FGF14: variants seen among roughly 807,000 people sequenced by gnomAD.
FGF14 encodes the protein fibroblast growth factor homologous factor 4.
A neutral mutation model predicts 25.5 loss-of-function variants in FGF14; 5 were observed. That is an observed-to-expected ratio of 0.20 (90% CI 0.10 to 0.41). The LOEUF (loss-of-function observed/expected upper bound fraction) is 0.41. FGF14 is among the 10% of genes least tolerant of loss of function. The pLI is 1.00. For synonymous variants in FGF14, 138 were observed against 118.3 expected (o/e 1.17, Z -1.08); for missense variants, 222 against 320.1 (o/e 0.69, Z 2.34).
chr13:102,161,570 A>AAGAAAGAAGAAAGAAGAAAGAAGAAAG lies in FGF14; in HGVS notation c.208+239900_208+239901insCTTTCTTCTTTCTTCTTTCTTCTTTCT. Reference sequence around the variant, plus strand: ...TCTATGCAACCAACTTTCTGTGAAGAAAGAAAGAAGAAGAAGAAGAAGAAG... The same window carrying AAGAAAGAAGAAAGAAGAAAGAAGAAAG: ...TCTATGCAACCAACTTTCTGTGAAGAAGAAAGAAGAAAGAAGAAAGAAGAAAGAAGAAAGAAGAAGAAGAAGAAGAAG... On this transcript the variant is annotated intron_variant, in intron 1 of 4. Transcript: ENST00000376131. Among the ~76,000 whole-genome samples the AAGAAAGAAGAAAGAAGAAAGAAGAAAG allele has an allele frequency of 5.7e-3, 32 of 5,656 alleles. 2 individuals are homozygous for AAGAAAGAAGAAAGAAGAAAGAAGAAAG. Among genetic ancestry groups the AAGAAAGAAGAAAGAAGAAAGAAGAAAG allele is most frequent in the Admixed American group, 0.016 (4 of 258 alleles). 3.7% of individuals were successfully genotyped at this position (5,656 alleles called of 152,430 possible). A position where few individuals can be genotyped will look rare whatever the true frequency, so the allele number is the denominator to read the frequency against.
chr13:102,111,714 T>C (rs1319970527), intron 1 of FGF14, among the ~76,000 whole-genome samples: 3 of 108,974 alleles, frequency 2.8e-5, no homozygotes, highest in Non-Finnish European at 3.8e-5. Flanking sequence ...AGATTCTGTC[T>C]AAAAAAGAAA....
At chr13:102,397,416 T>C (rs1428239488) in intron 1 of FGF14, among the ~76,000 whole-genome samples, 1 of 152,074 alleles carries the variant, frequency 6.6e-6, no homozygotes, top group East Asian at 1.9e-4. Flanking sequence ...GGAGACTGAG[T>C]TCAGAAAAAG....
chr13:102,080,393 G>A (rs1036296269), intron 1 of FGF14, among the ~76,000 whole-genome samples: 2 of 152,162 alleles, frequency 1.3e-5, no homozygotes, highest in African/African-American at 2.4e-5. Flanking sequence ...GTTTGGTGCT[G>A]CAGTTTGCTT....
At chr13:101,919,212 A>G (rs2033812286), upstream of FGF14, among the ~76,000 whole-genome samples, 1 of 152,166 alleles carries the variant, frequency 6.6e-6, no homozygotes, top group Admixed American at 6.5e-5. Context: ...CTTGGTTTCT[A>G]TTATTGAAGA....
chr13:102,337,833 C>T (rs531286106), intron 1 of FGF14, among the ~76,000 whole-genome samples: 19 of 152,150 alleles, frequency 1.2e-4, no homozygotes, highest in East Asian at 7.7e-4. Flanking sequence ...AGATGATTGT[C>T]GGCATTTTTT....
chr13:102,142,910 G>A (rs912978466), intron 1 of FGF14, among the ~76,000 whole-genome samples: 12 of 152,174 alleles, frequency 7.9e-5, no homozygotes, highest in Middle Eastern at 3.4e-3. Context: ...AACAACATAC[G>A]CTTTTATTCT....
chr13:102,280,345 A>C (rs1444781373), intron 1 of FGF14, among the ~76,000 whole-genome samples: 1 of 152,156 alleles, frequency 6.6e-6, no homozygotes, highest in Non-Finnish European at 1.5e-5. Context: ...ACCTGGAGAG[A>C]CTGTTTTAAG....
At chr13:101,737,647 G>C (rs1252859209) in intron 3 of FGF14, among the ~76,000 whole-genome samples, 1 of 152,002 alleles carries the variant, frequency 6.6e-6, no homozygotes, top group Non-Finnish European at 1.5e-5. Flanking sequence ...TACTCTGCTG[G>C]AGTCTATGAA....
At chr13:101,735,509 T>C (rs1275118134) in intron 3 of FGF14, among the ~76,000 whole-genome samples, 1 of 150,622 alleles carries the variant, frequency 6.6e-6, no homozygotes, top group East Asian at 1.9e-4. Flanking sequence ...TTAAAAAGAG[T>C]TTTTAAGAAA....
At chr13:101,916,967 G>C (rs901672225), upstream of FGF14, among the ~76,000 whole-genome samples, 1 of 151,816 alleles carries the variant, frequency 6.6e-6, no homozygotes, top group East Asian at 1.9e-4. Context: ...GTCACCGCTC[G>C]TCGCAGGAAC....
At chr13:102,165,561 A>G (rs1473771702) in intron 1 of FGF14, among the ~76,000 whole-genome samples, 1 of 150,362 alleles carries the variant, frequency 6.7e-6, no homozygotes, top group Non-Finnish European at 1.5e-5. Context: ...AAACTATCGC[A>G]AGGACAAAAA....
At chr13:102,062,609 G>T (rs1265849081) in intron 1 of FGF14, among the ~76,000 whole-genome samples, 4 of 152,206 alleles carry the variant, frequency 2.6e-5, no homozygotes, top group East Asian at 3.9e-4. Flanking sequence ...AAACAAGCAG[G>T]TAAATGTAAA....
In FGF14 at chr13:101,753,071, GGACATAT is replaced by G. The variant is rs1391046738; in HGVS notation, c.409-26268_409-26262del. On this transcript the variant is annotated intron_variant, in intron 3 of 4. Transcript: ENST00000376143. ...AACCAAACATCAACTTCCAGAATTA[GGACATAT>G]GACCCCCTAATAAAAGCAGGTTCTG... Among the ~76,000 whole-genome samples, 16 of 152,152 alleles carry G rather than the reference GGACATAT, an allele frequency of 1.1e-4. No individual in the cohort carries two copies. In the South Asian group the frequency reaches 3.3e-3, roughly 32 times the overall value.
intron 3 of FGF14, among the ~76,000 whole-genome samples, chr13:101,851,444 G>A (rs774723186): frequency 2.0e-5 from 3 of 151,966 alleles, no homozygotes; most frequent in Non-Finnish European, 4.4e-5. Flanking sequence ...TGTTGGTTAC[G>A]CCACCAGGTT....
chr13:102,287,997 G>A lies in FGF14; in HGVS notation c.208+113474C>T, dbSNP rs1295037979. Among the ~76,000 whole-genome samples, 74 of 152,212 alleles carry A rather than the reference G, an allele frequency of 4.9e-4. 1 individual carries two copies. Among genetic ancestry groups the A allele is most frequent in the Non-Finnish European group, 1.0e-4 (7 of 68,040 alleles). Reference sequence around the variant, plus strand: ...CTAATAATATCTTTTGAGGATGAATGATAAAAAGCATTTGCATCAGAGAAT... The same window carrying A: ...CTAATAATATCTTTTGAGGATGAATAATAAAAAGCATTTGCATCAGAGAAT... On this transcript the variant is annotated intron_variant, in intron 1 of 4. Transcript: ENST00000376131.
intron 3 of FGF14, among the ~76,000 whole-genome samples, chr13:101,863,724 G>A (rs1461750810): frequency 2.0e-5 from 3 of 152,104 alleles, no homozygotes; most frequent in Non-Finnish European, 2.9e-5. Context: ...CAGAGCAGTT[G>A]TATTTCTATA....
At chr13:101,724,600 ATAT>A (rs2035254994) in intron 4 of FGF14, among the ~76,000 whole-genome samples, 3 of 5,430 alleles carry the variant, frequency 5.5e-4, no homozygotes, top group African/African-American at 2.1e-3. Context: ...ATAATAAAAT[ATAT>A]ATATATATAT....
chr13:102,043,354 T>C (rs1343384125), intron 1 of FGF14, among the ~76,000 whole-genome samples: 2 of 152,132 alleles, frequency 1.3e-5, no homozygotes, highest in African/African-American at 2.4e-5. Context: ...ATTCTTCCAA[T>C]TGGAACCAGG....
intron 1 of FGF14, among the ~76,000 whole-genome samples, chr13:101,998,056 C>A (rs1259253921): frequency 2.0e-5 from 3 of 152,016 alleles, no homozygotes; most frequent in African/African-American, 7.2e-5. Flanking sequence ...TGAATATAAT[C>A]TTTTACGATA....
Sources: gnomAD v4.1 joint callset for allele counts (sites outside exome capture counted in the v4.1 genomes callset) on GRCh38, gnomAD v4.1.1 for gene constraint, MANE v1.5 for transcripts, NCBI Gene and HGNC (gene_info 2026-07-23, HGNC 2026-07-21) for gene names.